ADAMTS16: variants seen among roughly 807,000 people sequenced by gnomAD.
ADAMTS16 encodes ADAM metallopeptidase with thrombospondin type 1 motif 16, also known as A disintegrin and metalloproteinase with thrombospondin motifs 16.
ADAMTS16 carries 94 observed loss-of-function variants against 145.8 expected under a neutral mutation model. The observed-to-expected ratio is 0.64, with a 90% confidence interval of 0.55 to 0.77. The LOEUF (loss-of-function observed/expected upper bound fraction) is 0.77, where lower values mean the gene tolerates loss of function less well. Ranked by LOEUF, ADAMTS16 falls within the 30% of genes least tolerant of loss-of-function variation. The pLI is 0.00. For missense variants in ADAMTS16, 1,585 were observed against 1,591.5 expected (o/e 1.00, Z 0.07); for synonymous variants, 659 against 604.3 (o/e 1.09, Z -1.33).
chr5:5,283,187 C>A (rs1419118277), intron 18 of ADAMTS16, among the ~76,000 whole-genome samples: 1 of 151,990 alleles, frequency 6.6e-6, no homozygotes, highest in Non-Finnish European at 1.5e-5. Flanking sequence ...GTATTTTTTC[C>A]TGTCCCTGAT....
At chr5:5,318,058 A>G (rs1734126127) in intron 21 of ADAMTS16, 76 bp from the exon 22 acceptor site, 5 of 1,273,760 alleles carry the variant, frequency 3.9e-6, no homozygotes, top group Non-Finnish European at 4.0e-6. Context: ...GGCCTTTTAG[A>G]AAGGTGGGCA....
intron 6 of ADAMTS16, 88 bp downstream of exon 6, chr5:5,187,896 T>G: frequency 1.1e-6 from 1 of 889,392 alleles, no homozygotes; most frequent in South Asian, 1.6e-5. Flanking sequence ...AATTGTTCTA[T>G]GGGTTCTTCT....
intron 9 of ADAMTS16, among the ~76,000 whole-genome samples, chr5:5,207,993 C>G (rs912887555): frequency 1.5e-4 from 23 of 152,030 alleles, no homozygotes; most frequent in African/African-American, 5.6e-4. Context: ...TTTTCTTGTA[C>G]TATGTTTGTC....
intron 18 of ADAMTS16, among the ~76,000 whole-genome samples, chr5:5,267,465 G>C (rs547948380): frequency 2.0e-5 from 3 of 152,234 alleles, no homozygotes; most frequent in Admixed American, 1.3e-4. Flanking sequence ...GAAAGGGGAT[G>C]GAATGGGTAG....
intron 17 of ADAMTS16, among the ~76,000 whole-genome samples, chr5:5,243,821 G>A (rs1737364112): frequency 6.6e-6 from 1 of 152,190 alleles, no homozygotes; most frequent in South Asian, 2.1e-4. Flanking sequence ...AGTGTTCTCA[G>A]CTGCTAACAG....
At chr5:5,197,836 ATAG>A (rs1320594899) in intron 8 of ADAMTS16, among the ~76,000 whole-genome samples, 3 of 152,166 alleles carry the variant, frequency 2.0e-5, no homozygotes, top group African/African-American at 7.2e-5. Context: ...AAATTGTGAA[ATAG>A]TGGTGCTGAG....
chr5:5,177,892 C>G (rs1735243000), intron 3 of ADAMTS16, among the ~76,000 whole-genome samples: 1 of 152,204 alleles, frequency 6.6e-6, no homozygotes, highest in South Asian at 2.1e-4. Context: ...TCACCTGAGA[C>G]ACGCTTGGAA....
intron 3 of ADAMTS16, among the ~76,000 whole-genome samples, chr5:5,159,226 A>G (rs1255265588): frequency 6.6e-6 from 1 of 152,260 alleles, no homozygotes; most frequent in East Asian, 1.9e-4. Context: ...TGACTTAGAC[A>G]AACATTCAAA....
At chr5:5,242,013 C>A (rs769199529) in intron 16 of ADAMTS16, 40 bp from the exon 17 acceptor site, 1 of 1,610,424 alleles carries the variant, frequency 6.2e-7, no homozygotes, top group South Asian at 1.1e-5. Context: ...GCTGGTTTTG[C>A]ATTAATTTGT....
In ADAMTS16 at chr5:5,313,376, T is replaced by C. The variant is rs1051285853; in HGVS notation, c.3412-4758T>C. Among the ~76,000 whole-genome samples the C allele has an allele frequency of 3.3e-5, 5 of 152,262 alleles. No homozygotes were observed. The South Asian group carries it at 1.0e-3, about 32-fold the overall frequency. On this transcript the variant is annotated intron_variant, in intron 21 of 22. Coordinates refer to ENST00000274181, the MANE Select transcript of ADAMTS16 (RefSeq NM_139056.4). ...TATTATTTGGTCTGCAGGATTTCCA[T>C]TGATTTAAATGTTTTGCTTATCTTC...
chr5:5,181,974 T>A, intron 3 of ADAMTS16, 70 bp from the exon 4 acceptor site: 1 of 1,488,206 alleles, frequency 6.7e-7, no homozygotes, highest in Non-Finnish European at 9.1e-7. Flanking sequence ...ATGCAATGCT[T>A]GGAGAATCGG....
At chr5:5,257,877 C>T (rs1737849260) in intron 17 of ADAMTS16, among the ~76,000 whole-genome samples, 1 of 152,174 alleles carries the variant, frequency 6.6e-6, no homozygotes, top group South Asian at 2.1e-4. Flanking sequence ...AACTTGCCTA[C>T]AAAGTCAGGG....
intron 20 of ADAMTS16, among the ~76,000 whole-genome samples, chr5:5,305,567 A>C (rs1561001135): frequency 1.3e-5 from 2 of 150,570 alleles, no homozygotes; most frequent in South Asian, 2.1e-4. Context: ...CACACGTCAG[A>C]GCTTCTCTCT....
chr5:5,320,143 C>A lies in ADAMTS16; in HGVS notation c.*1005C>A, dbSNP rs3806872. On this transcript the variant is annotated 3_prime_UTR_variant, in exon 23 of 23. Coordinates refer to ENST00000274181, the MANE Select transcript of ADAMTS16 (RefSeq NM_139056.4). The surrounding 1 kb of genome is among the most constrained non-coding windows in gnomAD (Gnocchi z 5.1). ...TAATGCCAGGTGGGAAGCCAGGCTGCGGGTGTTAGGGTGGGAATCTGCCCG... is the reference window on the plus strand; with the variant it reads ...TAATGCCAGGTGGGAAGCCAGGCTGAGGGTGTTAGGGTGGGAATCTGCCCG... 0.12 allele frequency: 37,340 copies of A among 312,016 alleles called. 2,378 individuals carry two copies. Among genetic ancestry groups the A allele is most frequent in the Middle Eastern group, 0.16 (142 of 880 alleles). 19.3% of individuals were successfully genotyped at this position (312,016 alleles called of 1,614,324 possible). A position where few individuals can be genotyped will look rare whatever the true frequency, so the allele number is the denominator to read the frequency against.
chr5:5,175,775 C>G (rs907145227), intron 3 of ADAMTS16, among the ~76,000 whole-genome samples: 1 of 152,116 alleles, frequency 6.6e-6, no homozygotes, highest in Admixed American at 6.5e-5. Flanking sequence ...GTGTTGCTTT[C>G]CACTGTGATA....
intron 18 of ADAMTS16, among the ~76,000 whole-genome samples, chr5:5,293,978 G>A (rs1433687111): frequency 6.6e-6 from 1 of 152,204 alleles, no homozygotes; most frequent in African/African-American, 2.4e-5. Context: ...GTGGGGGATG[G>A]AGGCCACAGG....
chr5:5,170,296 G>A (rs753332786), intron 3 of ADAMTS16, among the ~76,000 whole-genome samples: 1 of 151,980 alleles, frequency 6.6e-6, no homozygotes, highest in Non-Finnish European at 1.5e-5. Context: ...TCTAATTTTC[G>A]TATACCTGTT....
rs1734108210 is a variant in ADAMTS16, at chr5:5,317,637, A to T, written c.3412-497A>T. Among the ~76,000 whole-genome samples the T allele has an allele frequency of 6.6e-6, 1 of 151,998 alleles. No individual in the cohort carries two copies. Among genetic ancestry groups the T allele is most frequent in the Non-Finnish European group, 1.5e-5 (1 of 67,992 alleles). On this transcript the variant is annotated intron_variant, in intron 21 of 22. Coordinates refer to ENST00000274181, the MANE Select transcript of ADAMTS16 (RefSeq NM_139056.4). The surrounding 1 kb of genome is among the most constrained non-coding windows in gnomAD (Gnocchi z 4.5). ...GATCTCGAACTCCTGACCTCAGGTGATCCACCCGCCTCAGCCTCCCAAAGT... is the reference window on the plus strand; with the variant it reads ...GATCTCGAACTCCTGACCTCAGGTGTTCCACCCGCCTCAGCCTCCCAAAGT...
intron 11 of ADAMTS16, among the ~76,000 whole-genome samples, chr5:5,225,267 C>T (rs997248736): frequency 2.0e-5 from 3 of 152,126 alleles, no homozygotes; most frequent in Non-Finnish European, 4.4e-5. Context: ...GACCTGTGAT[C>T]CCTGCTCTTT....
Sources: gnomAD v4.1 joint callset for allele counts (sites outside exome capture counted in the v4.1 genomes callset) on GRCh38, gnomAD v4.1.1 for gene constraint, Gnocchi (gnomAD v3.1) non-coding constraint, MANE v1.5 for transcripts, NCBI Gene and HGNC (gene_info 2026-07-23, HGNC 2026-07-21) for gene names.